The following PKHD1 variants were observed in gnomAD, a reference collection of about 807,000 sequenced individuals.
PKHD1 encodes fibrocystin.
Under a neutral mutation model 412.0 loss-of-function variants are expected in PKHD1, and 291 were observed. The ratio of observed to expected loss-of-function variants is 0.71; its 90% CI spans 0.64 to 0.78. PKHD1 has a LOEUF of 0.78. PKHD1 is among the 30% of genes least tolerant of loss of function. The pLI, the probability that PKHD1 is intolerant of heterozygous loss-of-function variation, is 0.00. For missense variants in PKHD1, 4,825 were observed against 4,950.7 expected, an observed-to-expected ratio of 0.97 and a Z score of 0.76; for synonymous variants, 1,777 against 1,821.5, an observed-to-expected ratio of 0.98 and a Z score of 0.62.
At position 52,017,592 on chromosome 6, in the gene PKHD1, C is replaced by T. The variant is rs1210193863; in HGVS notation, c.5418G>A (p.Glu1806=). The T allele has an allele frequency of 1.2e-6, 2 of 1,613,864 alleles. No homozygotes were observed. Among genetic ancestry groups the T allele is most frequent in the Admixed American group, 1.7e-5 (1 of 60,012 alleles). Residue 1806 remains glutamate (E), a synonymous_variant, in exon 34 of 67, where the codon GAG becomes GAA. Coordinates refer to ENST00000371117, the MANE Select transcript of PKHD1 (RefSeq NM_138694.4). ...TGTGTCTGGCAGCCTCACAGCTGTC[C>T]TCCTCACGCTTCAGGCCACACAGGA... is the stretch of plus-strand genomic sequence containing the variant. ...LAFLCGLKRE[E]DSCEAARHTY...
At chr6:51,985,918 A>G (rs1796155176) in intron 35 of PKHD1, among the ~76,000 whole-genome samples, 1 of 152,230 alleles carries the variant, frequency 6.6e-6, no homozygotes, top group South Asian at 2.1e-4. Context: ...TACAATGGAA[A>G]GTAATTTTTA....
chr6:51,755,737 TA>T (rs1235151997), intron 55 of PKHD1, among the ~76,000 whole-genome samples: 2 of 152,186 alleles, frequency 1.3e-5, no homozygotes, highest in Non-Finnish European at 2.9e-5. Flanking sequence ...CAAGCTTTGA[TA>T]AAGAGTCTCC....
chr6:51,694,756 GTGCTATTACAATTA>G (rs1412456852), intron 60 of PKHD1, among the ~76,000 whole-genome samples: 1 of 151,902 alleles, frequency 6.6e-6, no homozygotes, highest in Admixed American at 6.6e-5. Context: ...TCAAGAGTTG[GTGCTATTACAATTA>G]TGTTGGGACT....
In PKHD1 at chr6:51,821,746, G is replaced by A. The variant is rs559651528; in HGVS notation, c.8302+9115C>T. 4.6e-5 allele frequency among the ~76,000 whole-genome samples: 7 copies of A among 152,256 alleles called. No homozygotes were observed. In the East Asian group the frequency reaches 7.7e-4, roughly 17 times the overall value. On this transcript the variant is annotated intron_variant, in intron 52 of 66. Transcript: ENST00000371117. ...TGTTTGTTTTTTGAGACGGAGTCTC[G>A]CTCTGTCACCCAGGCTGAAGCGCTC... is the stretch of plus-strand genomic sequence containing the variant.
At chr6:51,805,523 T>C (rs1446817971) in intron 52 of PKHD1, among the ~76,000 whole-genome samples, 2 of 152,084 alleles carry the variant, frequency 1.3e-5, no homozygotes, top group East Asian at 1.9e-4. Flanking sequence ...ACCATCTGAA[T>C]ATAAATGAAA....
In PKHD1 at chr6:51,705,231, G is replaced by A. The variant is rs367976532; in HGVS notation, c.10156+39154C>T. Reference sequence around the variant, plus strand: ...AGTGCACTGCCTTGAAAAATCAAAGGAGGATGGGATTTTAAGAACCAGGGA... The same window carrying A: ...AGTGCACTGCCTTGAAAAATCAAAGAAGGATGGGATTTTAAGAACCAGGGA... On this transcript the variant is annotated intron_variant, in intron 60 of 66. Coordinates refer to ENST00000371117, the MANE Select transcript of PKHD1 (RefSeq NM_138694.4). Among the ~76,000 whole-genome samples the A allele has an allele frequency of 1.9e-4, 29 of 152,048 alleles. No individual in the cohort carries two copies. In the South Asian group the frequency reaches 5.8e-3, roughly 31 times the overall value.
intron 14 of PKHD1, among the ~76,000 whole-genome samples, chr6:52,060,580 T>C (rs1808525909): frequency 6.6e-6 from 1 of 152,176 alleles, no homozygotes; most frequent in Non-Finnish European, 1.5e-5. Flanking sequence ...TACAGGCAAT[T>C]TCATAAAACA....
intron 52 of PKHD1, among the ~76,000 whole-genome samples, chr6:51,794,651 G>A (rs1794312136): frequency 6.6e-6 from 1 of 152,074 alleles, no homozygotes; most frequent in South Asian, 2.1e-4. Flanking sequence ...TTATGGTTGT[G>A]AGCTTTACAT....
intron 37 of PKHD1, among the ~76,000 whole-genome samples, chr6:51,926,434 T>C (rs1399998842): frequency 6.6e-6 from 1 of 152,188 alleles, no homozygotes; most frequent in Admixed American, 6.5e-5. Context: ...TTGGGTTTTC[T>C]GTCACTTGAA....
chr6:52,058,334 G>A lies in PKHD1; in HGVS notation c.1501C>T (p.Pro501Ser), dbSNP rs1206597949. The change falls in exon 16 of 67, where the codon CCA (proline) becomes TCA (serine). Residue 501 changes from proline (P) to serine (S), a missense_variant. Physicochemically the swap from Pro to Ser is moderately conservative, Grantham distance 74 (BLOSUM62 -1). Coordinates refer to ENST00000371117, the MANE Select transcript of PKHD1 (RefSeq NM_138694.4). ...AAAGAGACACAGACCTGTACTTCTG[G>A]AAGCCTCTGGGCTCGGACTCGGATC... The part of the protein sequence containing the change: ...HQIRVRAQRL[P>S]EVQVLNVSGR... 1 of 1,614,118 alleles carries A rather than the reference G, an allele frequency of 6.2e-7. No homozygotes were observed.
Position 51,830,907 on chromosome 6 carries a change from G to A in PKHD1, c.8256C>T (p.Tyr2752=), listed in dbSNP as rs1275818237. The change falls in exon 52 of 67, where the codon TAC becomes TAT. Residue 2752 remains tyrosine (Y), a synonymous_variant. Coordinates refer to ENST00000371117, the MANE Select transcript of PKHD1 (RefSeq NM_138694.4). ...CCCCAGGGCCTGGAATGGTATTGTT[G>A]TATCCTCCCCAGCCTTCTTCAACAC... ...WQGVEEGWGG[Y]NNTIPGPGDD... The A allele has an allele frequency of 6.2e-7, 1 of 1,612,716 alleles. No individual in the cohort carries two copies. Among genetic ancestry groups the A allele is most frequent in the Non-Finnish European group, 8.5e-7 (1 of 1,178,992 alleles).
At chr6:51,826,372 A>T (rs574547031) in intron 52 of PKHD1, among the ~76,000 whole-genome samples, 11 of 152,202 alleles carry the variant, frequency 7.2e-5, no homozygotes, top group Non-Finnish European at 1.6e-4. Flanking sequence ...ATTCTACCAC[A>T]CACATAAACA....
At position 52,082,411 on chromosome 6, in the gene PKHD1, C is replaced by T. The variant is rs374447352; in HGVS notation, c.262G>A (p.Val88Met). The T allele has an allele frequency of 6.2e-7, 1 of 1,614,140 alleles. No individual in the cohort carries two copies. ...DVFPVFLDLP[V>M]VTCRTRSVLS... ...GTATACCTGGTCCGGCATGTCACCA[C>T]AGGCAAATCCAAGAAAACAGGAAAG... Residue 88 changes from valine (V) to methionine (M), a missense_variant, in exon 4 of 67, where the codon GTG (valine) becomes ATG (methionine). Physicochemically the swap from Val to Met is conservative, Grantham distance 21. Coordinates refer to ENST00000371117, the MANE Select transcript of PKHD1 (RefSeq NM_138694.4).
intron 25 of PKHD1, 60 bp downstream of exon 25, chr6:52,044,906 T>G: frequency 1.3e-6 from 2 of 1,590,954 alleles, no homozygotes; most frequent in Non-Finnish European, 1.7e-6. Context: ...TACAAATCAG[T>G]GAGGAGTGAG....
At chr6:51,671,071 G>T (rs1216095652) in intron 60 of PKHD1, among the ~76,000 whole-genome samples, 144 of 151,586 alleles carry the variant, frequency 9.5e-4, no homozygotes, top group African/African-American at 3.4e-3. Context: ...ATTCTCTGTA[G>T]TTCCTGAATC....
At chr6:51,694,637 C>T (rs1449730416) in intron 60 of PKHD1, among the ~76,000 whole-genome samples, 1 of 140,144 alleles carries the variant, frequency 7.1e-6, no homozygotes, top group Non-Finnish European at 1.5e-5. Flanking sequence ...TCAAGTGATC[C>T]ACCTGCCTCA....
At chr6:51,721,481 T>C in intron 60 of PKHD1, 1 of 869,810 alleles carries the variant, frequency 1.1e-6, no homozygotes, top group Non-Finnish European at 1.4e-6. Flanking sequence ...ACCATATTAT[T>C]TCACCTATCA....
intron 36 of PKHD1, among the ~76,000 whole-genome samples, chr6:51,940,942 C>G (rs1583478066): frequency 6.6e-6 from 1 of 151,490 alleles, no homozygotes; most frequent in African/African-American, 2.4e-5. Context: ...CCTTATTAGG[C>G]CGAGACATTT....
intron 34 of PKHD1, 55 bp downstream of exon 34, chr6:52,017,355 G>A (rs1800697391): frequency 4.8e-6 from 6 of 1,246,796 alleles, no homozygotes; most frequent in East Asian, 2.3e-5. Flanking sequence ...TGGCTCCATC[G>A]GTCCATTGGC....
Sources: allele counts gnomAD v4.1 joint callset (sites outside exome capture counted in the v4.1 genomes callset), GRCh38; gene constraint gnomAD v4.1.1; transcripts MANE v1.5; gene names NCBI Gene and HGNC (gene_info 2026-07-23, HGNC 2026-07-21).